UNC13C: variants seen among roughly 807,000 people sequenced by gnomAD.
The protein encoded by UNC13C is unc-13 homolog C.
UNC13C carries 174 observed loss-of-function variants against 245.4 expected under a neutral mutation model. That is an observed-to-expected ratio of 0.71 (90% CI 0.63 to 0.80). The LOEUF is 0.80. Ranked by LOEUF, UNC13C falls within the 30% of genes least tolerant of loss-of-function variation. The probability of loss-of-function intolerance (pLI) is 0.00; values close to 1 mark genes in which losing one functional copy is unlikely to be tolerated. For synonymous variants in UNC13C, 992 were observed against 895.1 expected, an observed-to-expected ratio of 1.11 and a Z score of -1.93; for missense variants, 2,829 against 2,602.9, an observed-to-expected ratio of 1.09 and a Z score of -1.89.
chr15:54,515,715 A>G (rs992190819), intron 24 of UNC13C, among the ~76,000 whole-genome samples: 1 of 152,190 alleles, frequency 6.6e-6, no homozygotes. Flanking sequence ...CTAACTGTTG[A>G]TGTTACTTCA....
intron 4 of UNC13C, among the ~76,000 whole-genome samples, chr15:54,209,705 C>T (rs1313968628): frequency 6.6e-6 from 1 of 152,112 alleles, no homozygotes; most frequent in East Asian, 1.9e-4. Context: ...TGAGCCACCA[C>T]ACCAGGCCTA....
At chr15:54,223,774 G>A (rs1244575273) in intron 4 of UNC13C, among the ~76,000 whole-genome samples, 1 of 151,888 alleles carries the variant, frequency 6.6e-6, no homozygotes, top group African/African-American at 2.4e-5. Flanking sequence ...TATGAACATG[G>A]AATATTTTTC....
At chr15:53,894,621 C>A in the UNC13C span, among the ~76,000 whole-genome samples, 1 of 152,118 alleles carries the variant, frequency 6.6e-6, no homozygotes, top group East Asian at 1.9e-4. Context: ...ATAAGGAAGA[C>A]AATTGTTGAG....
the UNC13C span, among the ~76,000 whole-genome samples, chr15:53,843,751 G>A: frequency 6.6e-6 from 1 of 152,112 alleles, no homozygotes; most frequent in African/African-American, 2.4e-5. Context: ...CACATCCCAG[G>A]TCAGCACAGA....
At chr15:54,468,231 G>C (rs756061728) in intron 19 of UNC13C, among the ~76,000 whole-genome samples, 1 of 151,682 alleles carries the variant, frequency 6.6e-6, no homozygotes, top group African/African-American at 2.4e-5. Flanking sequence ...TCATGTATCT[G>C]TTGGCCATTT....
At chr15:54,442,297 C>A (rs1047804703) in intron 19 of UNC13C, among the ~76,000 whole-genome samples, 5 of 145,182 alleles carry the variant, frequency 3.4e-5, no homozygotes, top group South Asian at 2.2e-4. Context: ...GTTGCCCAGG[C>A]TGGAGTGCAC....
chr15:54,536,967 G>T (rs1896011054), intron 26 of UNC13C, among the ~76,000 whole-genome samples: 1 of 152,028 alleles, frequency 6.6e-6, no homozygotes, highest in Non-Finnish European at 1.5e-5. Context: ...CATAGTACTA[G>T]AAGTCCTAAC....
At chr15:54,466,204 G>T (rs927907181) in intron 19 of UNC13C, among the ~76,000 whole-genome samples, 159 of 152,036 alleles carry the variant, frequency 1.0e-3, no homozygotes, top group African/African-American at 3.6e-3. Context: ...GGAAAGAGAG[G>T]TTGGTTAATG....
At chr15:53,887,657 C>CTACA in the UNC13C span, among the ~76,000 whole-genome samples, 31,301 of 151,838 alleles carry the variant, frequency 0.21, 3,418 homozygotes, top group Non-Finnish European at 0.25. Context: ...TTGTGGTTTG[C>CTACA]TACACCCTTC....
At chr15:53,957,178 G>T in the UNC13C span, among the ~76,000 whole-genome samples, 1 of 151,962 alleles carries the variant, frequency 6.6e-6, no homozygotes, top group African/African-American at 2.4e-5. Flanking sequence ...GTCTCACTCT[G>T]TCACTGAGGC....
chr15:54,630,202 A>G (rs1212782072), downstream of UNC13C: 1 of 152,224 alleles, frequency 6.6e-6, no homozygotes, highest in Non-Finnish European at 1.5e-5. Context: ...TAGCAAACAC[A>G]AAGTATTTAA....
intron 18 of UNC13C, among the ~76,000 whole-genome samples, chr15:54,413,244 T>C (rs1229971029): frequency 6.6e-6 from 1 of 151,998 alleles, no homozygotes; most frequent in African/African-American, 2.4e-5. Flanking sequence ...TTTTAGTTTT[T>C]AGTTTTAGTT....
chr15:53,856,987 A>T, the UNC13C span, among the ~76,000 whole-genome samples: 1 of 151,962 alleles, frequency 6.6e-6, no homozygotes, highest in African/African-American at 2.4e-5. Flanking sequence ...ATATATTTAG[A>T]ATAGTTAGTT....
chr15:54,272,606 A>G (rs1487328579), intron 10 of UNC13C, among the ~76,000 whole-genome samples: 1 of 152,040 alleles, frequency 6.6e-6, no homozygotes, highest in Non-Finnish European at 1.5e-5. Flanking sequence ...TGGGATTAGA[A>G]TTTATTTATT....
chr15:54,403,105 C>T (rs59553457), intron 18 of UNC13C, among the ~76,000 whole-genome samples: 2 of 152,256 alleles, frequency 1.3e-5, no homozygotes, highest in East Asian at 1.9e-4. Flanking sequence ...TCTTGCAGTT[C>T]GAGAAACAGT....
At chr15:54,412,715 A>G (rs1359804872) in intron 18 of UNC13C, among the ~76,000 whole-genome samples, 1 of 152,086 alleles carries the variant, frequency 6.6e-6, no homozygotes, top group African/African-American at 2.4e-5. Flanking sequence ...GCCATTTTTT[A>G]TGTAGAAAAC....
At chr15:54,037,263 C>T (rs371990367) in intron 2 of UNC13C, among the ~76,000 whole-genome samples, 17 of 152,124 alleles carry the variant, frequency 1.1e-4, no homozygotes, top group African/African-American at 3.4e-4. Context: ...TTAGGCACTC[C>T]GGTGATGTGG....
chr15:53,901,759 T>A, the UNC13C span, among the ~76,000 whole-genome samples: 7 of 152,340 alleles, frequency 4.6e-5, no homozygotes, highest in Admixed American at 4.6e-4. Context: ...CAATTTATAA[T>A]GCCATCAGAA....
intron 2 of UNC13C, among the ~76,000 whole-genome samples, chr15:54,130,752 C>G (rs2031368163): frequency 6.6e-6 from 1 of 152,152 alleles, no homozygotes. Flanking sequence ...AAATTTCCCT[C>G]TGTTTCTCCA....
Sources: gnomAD v4.1 joint callset for allele counts (sites outside exome capture counted in the v4.1 genomes callset) on GRCh38, gnomAD v4.1.1 for gene constraint, MANE v1.5 for transcripts, NCBI Gene and HGNC (gene_info 2026-07-23, HGNC 2026-07-21) for gene names.